The following PIEZO2 variants were observed in gnomAD, a reference collection of about 807,000 sequenced individuals.
PIEZO2 encodes the protein piezo-type mechanosensitive ion channel component 2.
A neutral mutation model predicts 337.3 loss-of-function variants in PIEZO2; 172 were observed. The ratio of observed to expected loss-of-function variants is 0.51; its 90% confidence interval spans 0.45 to 0.58. The LOEUF is 0.58. Among genes scored for constraint, PIEZO2 ranks in the 20% least tolerant of loss-of-function variants. PIEZO2 has a pLI of 0.00. For synonymous variants in PIEZO2, 1,251 were observed against 1,228.5 expected (o/e 1.02, Z -0.38); for missense variants, 3,028 against 3,391.3 (o/e 0.89, Z 2.66).
chr18:11,018,914 A>G (rs2036217153), intron 2 of PIEZO2, among the ~76,000 whole-genome samples: 1 of 151,944 alleles, frequency 6.6e-6, no homozygotes, highest in Admixed American at 6.6e-5. Flanking sequence ...TTCTTCACCT[A>G]TTTTTCTCCA....
intron 4 of PIEZO2, among the ~76,000 whole-genome samples, chr18:10,887,065 CTTTTTTTT>C: frequency 1.1e-5 from 1 of 91,406 alleles, no homozygotes; most frequent in African/African-American, 4.4e-5. Context: ...AGGTGACACA[CTTTTTTTT>C]TTTTTTTTTT....
At chr18:10,808,248 C>T (rs1042608508) in intron 7 of PIEZO2, among the ~76,000 whole-genome samples, 2 of 152,160 alleles carry the variant, frequency 1.3e-5, no homozygotes, top group East Asian at 1.9e-4. Context: ...GCCACCATAC[C>T]CAACTATTAT....
At chr18:10,883,210 T>C (rs746710241) in intron 4 of PIEZO2, among the ~76,000 whole-genome samples, 37 of 152,170 alleles carry the variant, frequency 2.4e-4, no homozygotes, top group Non-Finnish European at 5.9e-5. Context: ...CTATTGTATA[T>C]AGTGCTGAAA....
intron 2 of PIEZO2, among the ~76,000 whole-genome samples, chr18:11,036,142 C>G (rs1045322100): frequency 2.6e-5 from 4 of 152,146 alleles, no homozygotes; most frequent in African/African-American, 7.2e-5. Flanking sequence ...AAATGAAGCC[C>G]TTTGTTCCCT....
chr18:10,869,332 A>C (rs1288398596), intron 5 of PIEZO2, among the ~76,000 whole-genome samples: 1 of 152,150 alleles, frequency 6.6e-6, no homozygotes, highest in Admixed American at 6.5e-5. Flanking sequence ...GTTATTATTT[A>C]TGAGGATAAT....
rs567044952 is a variant in PIEZO2, at chr18:10,866,145, A to T, written c.492+5108T>A. 1.5e-3 allele frequency among the ~76,000 whole-genome samples: 221 copies of T among 152,334 alleles called. 2 individuals are homozygous for T. Among genetic ancestry groups the T allele is most frequent in the African/African-American group, 4.4e-3 (181 of 41,578 alleles). On this transcript the variant is annotated intron_variant, in intron 5 of 55. Coordinates refer to ENST00000674853, the MANE Select transcript of PIEZO2 (RefSeq NM_001378183.1). Reference sequence around the variant, plus strand: ...TAAAAATGAAGATTAATCTGTAATCATTTCGTTTAAATAGTTTAAAGATAC... The same window carrying T: ...TAAAAATGAAGATTAATCTGTAATCTTTTCGTTTAAATAGTTTAAAGATAC...
chr18:10,693,993 A>T (rs759771560), intron 47 of PIEZO2, among the ~76,000 whole-genome samples: 6 of 152,222 alleles, frequency 3.9e-5, no homozygotes, highest in Non-Finnish European at 8.8e-5. Flanking sequence ...TTATTATTAT[A>T]GCCTGGGCTA....
At chr18:10,752,573 C>T in intron 28 of PIEZO2, 63 bp downstream of exon 28, 1 of 1,495,576 alleles carries the variant, frequency 6.7e-7, no homozygotes, top group East Asian at 2.5e-5. Flanking sequence ...TTAATAACCA[C>T]TGAGTGGACT....
chr18:10,883,041 G>T (rs1193103681), intron 4 of PIEZO2, among the ~76,000 whole-genome samples: 1 of 151,908 alleles, frequency 6.6e-6, no homozygotes, highest in African/African-American at 2.4e-5. Context: ...GTTTCACCAT[G>T]TTGGCCAGGA....
intron 4 of PIEZO2, among the ~76,000 whole-genome samples, chr18:10,896,809 ATG>A (rs2042913869): frequency 6.6e-6 from 1 of 152,214 alleles, no homozygotes; most frequent in Non-Finnish European, 1.5e-5. Context: ...CCTCCACCTC[ATG>A]TCTGAGAAGA....
At chr18:11,098,248 C>T (rs1394518028) in intron 1 of PIEZO2, among the ~76,000 whole-genome samples, 1 of 71,854 alleles carries the variant, frequency 1.4e-5, no homozygotes, top group Non-Finnish European at 2.9e-5. Context: ...GCAAGATACA[C>T]ACACACACAC....
rs1247691044 is a variant in PIEZO2, at chr18:11,125,317, G to C, written c.64+23208C>G. Among the ~76,000 whole-genome samples, 1 of 152,204 alleles carries C rather than the reference G, an allele frequency of 6.6e-6. No individual in the cohort carries two copies. Among genetic ancestry groups the C allele is most frequent in the Non-Finnish European group, 1.5e-5 (1 of 68,038 alleles). On this transcript the variant is annotated intron_variant, in intron 1 of 55. Coordinates refer to ENST00000674853, the MANE Select transcript of PIEZO2 (RefSeq NM_001378183.1). This position sits in a 1 kb window ranked among gnomAD's most constrained non-coding sequence, Gnocchi z 4.4. ...AAAAACTACGATGTGTCCGACAAAAGACAGTGCTGTTAAGTCATCAGCATT... is the reference window on the plus strand; with the variant it reads ...AAAAACTACGATGTGTCCGACAAAACACAGTGCTGTTAAGTCATCAGCATT...
intron 1 of PIEZO2, among the ~76,000 whole-genome samples, chr18:11,122,782 A>G (rs2040064888): frequency 6.6e-6 from 1 of 152,154 alleles, no homozygotes; most frequent in Non-Finnish European, 1.5e-5. Flanking sequence ...GATCATTCTA[A>G]CAGGCTGACA....
intron 3 of PIEZO2, among the ~76,000 whole-genome samples, chr18:10,937,230 C>G (rs1016633460): frequency 2.0e-5 from 3 of 152,160 alleles, no homozygotes; most frequent in Admixed American, 2.0e-4. Flanking sequence ...AGAGTGACCT[C>G]CCTTGGGTTA....
chr18:10,676,215 A>T lies in PIEZO2; in HGVS notation c.8082-927T>A, dbSNP rs1942236638. On this transcript the variant is annotated intron_variant, in intron 53 of 55. Coordinates refer to ENST00000674853, the MANE Select transcript of PIEZO2 (RefSeq NM_001378183.1). The surrounding 1 kb of genome is among the most constrained non-coding windows in gnomAD (Gnocchi z 5.1). The stretch of plus-strand genomic sequence containing the variant: ...GGGAGGTGATAGGAGAGGATCTGAC[A>T]GTCTCCAAGGGCCCTTCAACTTTAG... Among the ~76,000 whole-genome samples the T allele has an allele frequency of 6.6e-6, 1 of 152,120 alleles. No individual in the cohort carries two copies. The highest frequency in any genetic ancestry group is 1.5e-5 in the Non-Finnish European group (1 of 68,030).
At chr18:10,735,445 G>A (rs1264384309) in intron 34 of PIEZO2, among the ~76,000 whole-genome samples, 115 bp from the exon 35 acceptor site, 1 of 152,120 alleles carries the variant, frequency 6.6e-6, no homozygotes, top group Non-Finnish European at 1.5e-5. Context: ...GTTAAAAGAT[G>A]CCAGTCACTG....
chr18:10,731,665 CA>C (rs2036793548), intron 35 of PIEZO2, 144 bp from the exon 36 acceptor site: 10 of 349,534 alleles, frequency 2.9e-5, no homozygotes, highest in South Asian at 6.3e-5. Context: ...TCATGAGATT[CA>C]ATTTTTTTTT....
Position 10,759,931 on chromosome 18 carries a change from C to CAA in PIEZO2, c.3451-24_3451-23dup, listed in dbSNP as rs201610330. On this transcript the variant is annotated intron_variant, in intron 24 of 55. Coordinates refer to ENST00000674853, the MANE Select transcript of PIEZO2 (RefSeq NM_001378183.1). The surrounding 1 kb of genome is among the most constrained non-coding windows in gnomAD (Gnocchi z 5.5). ...AGGTCTGTGTAAAGATGAAAAGAGG[C>CAA]AAAAAAAAAAAATCAGGCATATGGG... 27 of 1,427,006 alleles carry CAA rather than the reference C, an allele frequency of 1.9e-5. No homozygotes were observed. The African/African-American group carries it at 2.2e-4, about 12-fold the overall frequency. The allele number at this position is 1,427,006 out of a possible 1,614,324, so 88.4% of individuals were successfully genotyped here.
chr18:10,995,468 T>C (rs2035287192), intron 2 of PIEZO2, among the ~76,000 whole-genome samples: 1 of 152,220 alleles, frequency 6.6e-6, no homozygotes, highest in African/African-American at 2.4e-5. Context: ...AAAAGTTCTT[T>C]AGTTTCCACA....
Sources: gnomAD v4.1 joint callset for allele counts (sites outside exome capture counted in the v4.1 genomes callset) on GRCh38, gnomAD v4.1.1 for gene constraint, Gnocchi (gnomAD v3.1) non-coding constraint, MANE v1.5 for transcripts, NCBI Gene and HGNC (gene_info 2026-07-23, HGNC 2026-07-21) for gene names.